Variants in ADAM9 observed in about 807,000 individuals in gnomAD.
ADAM9 encodes ADAM metallopeptidase domain 9, also known as disintegrin and metalloproteinase domain-containing protein 9.
In ADAM9, 54 loss-of-function variants were observed where a neutral mutation model predicts 108.1. That is an observed-to-expected ratio of 0.50 (90% CI 0.40 to 0.63). The LOEUF (loss-of-function observed/expected upper bound fraction) is 0.63, where lower values mean the gene tolerates loss of function less well. Ranked by LOEUF, ADAM9 falls within the 20% of genes least tolerant of loss-of-function variation. ADAM9 has a pLI of 0.00. For synonymous variants in ADAM9, 316 were observed against 336.0 expected (o/e 0.94, Z 0.65); for missense variants, 830 against 997.7 (o/e 0.83, Z 2.26).
chr8:39,077,307 A>T lies in ADAM9; in HGVS notation c.1777A>T (p.Thr593Ser). The T allele has an allele frequency of 6.2e-7, 1 of 1,614,116 alleles. No individual in the cohort carries two copies. Among genetic ancestry groups the T allele is most frequent in the Non-Finnish European group, 8.5e-7 (1 of 1,180,002 alleles). ...TGGAATTGTGCCTGCTATTATTCAA[A>T]CGCCTAGTCGAGGCACCAAATGTTG... ...VFGIVPAIIQ[T>S]PSRGTKCWGV... Residue 593 changes from threonine to serine, a missense_variant, in exon 16 of 22, where the codon ACG becomes TCG. Thr to Ser is a moderately conservative substitution (Grantham distance 58). This residue lies in a region of ADAM9 where 381 missense variants were observed against 539.8 expected (regional missense o/e 0.71). Coordinates refer to ENST00000487273, the MANE Select transcript of ADAM9 (RefSeq NM_003816.3).
rs115664977 is a variant in ADAM9 at position 39,002,018 on chromosome 8, G to A, written c.97+4858G>A. The stretch of plus-strand genomic sequence containing the variant: ...TGTATTTATCTGGAATTGACCTGGC[G>A]AATACTAGAATGATTAAAAAAAAAA... On this transcript the variant is annotated intron_variant, in intron 1 of 21. Transcript: ENST00000487273. Among the ~76,000 whole-genome samples, 379 of 130,150 alleles carry A rather than the reference G, an allele frequency of 2.9e-3. 1 individual carries two copies. Among genetic ancestry groups the A allele is most frequent in the African/African-American group, 0.011 (354 of 33,214 alleles). The allele number at this position is 130,150 out of a possible 152,430, so 85.4% of individuals were successfully genotyped here.
intron 9 of ADAM9, among the ~76,000 whole-genome samples, chr8:39,025,348 C>T (rs540564692): frequency 6.6e-5 from 10 of 152,222 alleles, no homozygotes; most frequent in South Asian, 2.1e-4. Flanking sequence ...CTGCCCACCT[C>T]GGCCTCCCAA....
intron 15 of ADAM9, among the ~76,000 whole-genome samples, chr8:39,073,170 A>G (rs1838751307): frequency 6.6e-6 from 1 of 152,230 alleles, no homozygotes; most frequent in Non-Finnish European, 1.5e-5. Context: ...ATGTTATTCT[A>G]TAAATGTCAA....
chr8:39,083,999 G>A (rs1390231360), intron 18 of ADAM9, among the ~76,000 whole-genome samples: 1 of 152,070 alleles, frequency 6.6e-6, no homozygotes, highest in African/African-American at 2.4e-5. Context: ...AGTTGCTATT[G>A]TCAGTCTTTT....
chr8:39,024,227 C>A (rs1836848768), intron 9 of ADAM9, among the ~76,000 whole-genome samples: 2 of 152,174 alleles, frequency 1.3e-5, no homozygotes, highest in African/African-American at 4.8e-5. Flanking sequence ...TCTGAATTTT[C>A]CTGATGATGT....
At chr8:39,091,153 C>T (rs1470317642) in intron 19 of ADAM9, 106 bp from the exon 20 acceptor site, 1 of 1,064,566 alleles carries the variant, frequency 9.4e-7, no homozygotes, top group African/African-American at 1.6e-5. Flanking sequence ...ATCCCCACCA[C>T]TACCAACATC....
At chr8:39,012,708 ACAC>A (rs1564234482) in intron 3 of ADAM9, among the ~76,000 whole-genome samples, 1 of 152,134 alleles carries the variant, frequency 6.6e-6, no homozygotes, top group Admixed American at 6.5e-5. Context: ...AAAAAACCAA[ACAC>A]CACATGTTCT....
intron 11 of ADAM9, among the ~76,000 whole-genome samples, chr8:39,041,213 T>C (rs1230906325): frequency 6.6e-6 from 1 of 152,184 alleles, no homozygotes; most frequent in Non-Finnish European, 1.5e-5. Context: ...TTTATAGTTA[T>C]TGAGTAAAGT....
intron 14 of ADAM9, among the ~76,000 whole-genome samples, chr8:39,068,517 A>G (rs544761054): frequency 6.6e-6 from 1 of 151,702 alleles, no homozygotes; most frequent in Non-Finnish European, 1.5e-5. Flanking sequence ...TCTACTAAAA[A>G]TACAAAAATT....
intron 20 of ADAM9, among the ~76,000 whole-genome samples, chr8:39,100,196 T>C (rs1839644351): frequency 6.6e-6 from 1 of 151,978 alleles, no homozygotes; most frequent in Non-Finnish European, 1.5e-5. Context: ...TACCTTGTTG[T>C]AAGATTCAGT....
chr8:39,094,704 T>C (rs1839447654), intron 20 of ADAM9, among the ~76,000 whole-genome samples: 1 of 152,148 alleles, frequency 6.6e-6, no homozygotes, highest in Non-Finnish European at 1.5e-5. Context: ...TTTGTTGGTG[T>C]ATGATTGTTC....
intron 8 of ADAM9, 118 bp from the exon 9 acceptor site, chr8:39,023,038 G>A: frequency 1.1e-6 from 1 of 919,696 alleles, no homozygotes. Flanking sequence ...TTAAAGGAAA[G>A]ATAGTTTTTT....
chr8:39,091,115 TA>T lies in ADAM9; in HGVS notation c.2211-139del. 10 of 779,226 alleles carry T rather than the reference TA, an allele frequency of 1.3e-5. No individual in the cohort carries two copies. In the South Asian group the frequency reaches 1.5e-4, roughly 12 times the overall value. 48.3% of individuals were successfully genotyped at this position (779,226 alleles called of 1,614,324 possible). On this transcript the variant is annotated intron_variant, in intron 19 of 21. Transcript: ENST00000487273. ...ATACGTGAAAGCTGTTAAAATGCCC[TA>T]AAAATTTAAACCGTATCATGATTAT...
chr8:39,101,923 C>T lies in ADAM9; in HGVS notation c.2359C>T (p.Pro787Ser). 1 of 1,613,348 alleles carries T rather than the reference C, an allele frequency of 6.2e-7. No individual in the cohort carries two copies. Among genetic ancestry groups the T allele is most frequent in the Non-Finnish European group, 8.5e-7 (1 of 1,179,488 alleles). Residue 787 changes from proline (P) to serine (S), a missense_variant, in exon 21 of 22, where the codon CCA becomes TCA. Transcript: ENST00000487273. ...TYAAKQPQQF[P>S]SRPPPPQPKV... ...TGCAGCCAAGCAACCTCAGCAGTTCCCATCAAGGTCAGAAGAAAATTTGCT... is the reference window on the plus strand; with the variant it reads ...TGCAGCCAAGCAACCTCAGCAGTTCTCATCAAGGTCAGAAGAAAATTTGCT...
At chr8:39,103,152 T>C (rs527990365) in intron 21 of ADAM9, among the ~76,000 whole-genome samples, 1 of 152,234 alleles carries the variant, frequency 6.6e-6, no homozygotes, top group East Asian at 1.9e-4. Context: ...AGGTTTGAGA[T>C]GGACAGGTAT....
intron 20 of ADAM9, among the ~76,000 whole-genome samples, 192 bp from the exon 21 acceptor site, chr8:39,101,671 T>G (rs538708715): frequency 3.3e-5 from 5 of 152,208 alleles, no homozygotes; most frequent in Non-Finnish European, 7.3e-5. Context: ...AAATATCTGA[T>G]TATGTACGTG....
At chr8:39,093,980 C>G (rs1182243459) in intron 20 of ADAM9, among the ~76,000 whole-genome samples, 1 of 152,110 alleles carries the variant, frequency 6.6e-6, no homozygotes, top group Non-Finnish European at 1.5e-5. Flanking sequence ...CCATATTGGC[C>G]AGGCTGGTCT....
chr8:39,031,047 A>G (rs1009296122), intron 11 of ADAM9, among the ~76,000 whole-genome samples: 53 of 152,206 alleles, frequency 3.5e-4, no homozygotes, highest in African/African-American at 1.2e-3. Context: ...TCATTCTTTT[A>G]ATATTGTCTT....
Position 39,057,244 on chromosome 8 carries a change from A to T in ADAM9, c.1591+1472A>T, listed in dbSNP as rs984641614. The stretch of plus-strand genomic sequence containing the variant: ...CAATGACAAAATCACCTAACAACTC[A>T]TTTCTCAGATCATATCCCTGTTGTT... On this transcript the variant is annotated intron_variant, in intron 14 of 21. Transcript: ENST00000487273. Among the ~76,000 whole-genome samples the T allele has an allele frequency of 2.0e-5, 3 of 151,800 alleles. No homozygotes were observed. In the East Asian group the frequency reaches 5.8e-4, roughly 29 times the overall value.
Sources: allele counts gnomAD v4.1 joint callset (sites outside exome capture counted in the v4.1 genomes callset), GRCh38; gene constraint gnomAD v4.1.1; regional missense constraint gnomAD v4.1.1; transcripts MANE v1.5; gene names NCBI Gene and HGNC (gene_info 2026-07-23, HGNC 2026-07-21).